The following KPNA7 variants were observed in gnomAD, a reference collection of about 807,000 sequenced individuals.
KPNA7 encodes the protein karyopherin subunit alpha 7, also known as importin subunit alpha-8.
In KPNA7, 54 loss-of-function variants were observed where a neutral mutation model predicts 53.7. The ratio of observed to expected loss-of-function variants is 1.01; its 90% CI spans 0.81 to 1.26. The LOEUF (loss-of-function observed/expected upper bound fraction) is 1.26, where lower values mean the gene tolerates loss of function less well. Ranked by LOEUF, KPNA7 falls within the 50% of genes most tolerant of loss-of-function variation. The probability of loss-of-function intolerance (pLI) is 0.00; values close to 1 mark genes in which losing one functional copy is unlikely to be tolerated. For synonymous variants in KPNA7, 276 were observed against 259.3 expected, an observed-to-expected ratio of 1.06 and a Z score of -0.62; for missense variants, 640 against 644.5, an observed-to-expected ratio of 0.99 and a Z score of 0.07.
At chr7:99,156,563 C>G in the KPNA7 span, among the ~76,000 whole-genome samples, 1 of 151,874 alleles carries the variant, frequency 6.6e-6, no homozygotes, top group Admixed American at 6.6e-5. Context: ...TTGCCCTTGT[C>G]ACCCAGGCTG....
intron 2 of KPNA7, among the ~76,000 whole-genome samples, chr7:99,206,437 G>A (rs868799433): frequency 2.6e-5 from 4 of 151,940 alleles, no homozygotes; most frequent in Non-Finnish European, 4.4e-5. Flanking sequence ...AATTACAGGT[G>A]TGAGCCATCA....
At chr7:99,196,042 C>G (rs767042211) in intron 4 of KPNA7, 42 bp downstream of exon 4, 1 of 1,501,520 alleles carries the variant, frequency 6.7e-7, no homozygotes, top group South Asian at 1.2e-5. Context: ...ACGCTCATTG[C>G]TAACTATGAA....
the KPNA7 span, among the ~76,000 whole-genome samples, chr7:99,163,606 T>C: frequency 6.6e-6 from 1 of 151,370 alleles, no homozygotes; most frequent in Admixed American, 6.6e-5. Flanking sequence ...AGGCTGGTCT[T>C]GAACTCATGG....
At position 99,181,073 on chromosome 7, in the gene KPNA7, A is replaced by ATCTGTGTCTCTCTCTCTCTCCG. The variant is rs1799229223; in HGVS notation, c.1317+809_1317+810insCGGAGAGAGAGAGAGACACAGA. Among the ~76,000 whole-genome samples, 2 of 2,132 alleles carry ATCTGTGTCTCTCTCTCTCTCCG rather than the reference A, an allele frequency of 9.4e-4. 1 individual carries two copies. Among genetic ancestry groups the ATCTGTGTCTCTCTCTCTCTCCG allele is most frequent in the African/African-American group, 3.0e-3 (2 of 664 alleles). 1.4% of individuals were successfully genotyped at this position (2,132 alleles called of 152,430 possible). ...TCTCTCCGTCTGTGTCTCTCTCTCC[A>ATCTGTGTCTCTCTCTCTCTCCG]TCTGTGTCTCTCTCTCTCTCTCCGT... On this transcript the variant is annotated intron_variant, in intron 9 of 10. Transcript: ENST00000327442.
At chr7:99,158,462 T>C in the KPNA7 span, among the ~76,000 whole-genome samples, 1 of 152,268 alleles carries the variant, frequency 6.6e-6, no homozygotes, top group African/African-American at 2.4e-5. Context: ...GGAAATATCC[T>C]CAATTTCATC....
rs1372178436 is a variant in KPNA7, at chr7:99,185,099, T to C, written c.964A>G (p.Ile322Val). The C allele has an allele frequency of 6.4e-7, 1 of 1,552,002 alleles. No individual in the cohort carries two copies. ...TGTDEQTQMA[I>V]DAGMLNVLPQ... ...AGCACGTTCAGCATACCCGCATCAA[T>C]GGCCATCTGCGTCTGCTCATCTGTG... is the stretch of plus-strand genomic sequence containing the variant. The change falls in exon 8 of 11, where the codon ATT (isoleucine) becomes GTT (valine). Residue 322 changes from isoleucine to valine, a missense_variant. Coordinates refer to ENST00000327442, the MANE Select transcript of KPNA7 (RefSeq NM_001145715.3).
chr7:99,191,159 A>G (rs1331857522), intron 6 of KPNA7, among the ~76,000 whole-genome samples: 1 of 47,998 alleles, frequency 2.1e-5, no homozygotes, highest in East Asian at 8.2e-4. Context: ...TCTGCTATAC[A>G]ATTTTTTTTT....
chr7:99,193,824 T>A (rs1427201591), intron 5 of KPNA7, among the ~76,000 whole-genome samples: 1 of 151,996 alleles, frequency 6.6e-6, no homozygotes, highest in Non-Finnish European at 1.5e-5. Flanking sequence ...ACTATAGGCA[T>A]ACACCACTAT....
At chr7:99,180,665 CTGTGTG>C (rs56410160) in intron 9 of KPNA7, among the ~76,000 whole-genome samples, 1 of 80,974 alleles carries the variant, frequency 1.2e-5, no homozygotes, top group South Asian at 4.0e-4. Flanking sequence ...CTCTCCCCAT[CTGTGTG>C]TGTGTCTCTC....
At chr7:99,188,848 AT>A (rs1273282877) in intron 6 of KPNA7, among the ~76,000 whole-genome samples, 5 of 151,896 alleles carry the variant, frequency 3.3e-5, no homozygotes, top group Non-Finnish European at 7.4e-5. Context: ...CGCCCAGCTA[AT>A]TTTTGTATTT....
At chr7:99,180,493 ATC>A (rs1799119207) in intron 9 of KPNA7, among the ~76,000 whole-genome samples, 1 of 130,898 alleles carries the variant, frequency 7.6e-6, no homozygotes, top group Non-Finnish European at 1.8e-5. Flanking sequence ...CAGAGATCCT[ATC>A]TCTGTCTGTC....
Position 99,213,430 on chromosome 7 carries a change from TAAAAAAAAAA to T in KPNA7, c.-23-5951_-23-5942del, listed in dbSNP as rs61231738. Among the ~76,000 whole-genome samples, 273 of 72,908 alleles carry T rather than the reference TAAAAAAAAAA, an allele frequency of 3.7e-3. 3 individuals are homozygous for T. The highest frequency in any genetic ancestry group is 0.018 in the Middle Eastern group (2 of 114). The allele number at this position is 72,908 out of a possible 152,430, so 47.8% of individuals were successfully genotyped here. A position where few individuals can be genotyped will look rare whatever the true frequency, so the allele number is the denominator to read the frequency against. On this transcript the variant is annotated intron_variant, in intron 1 of 10. Transcript: ENST00000681060. ...GTGTGAGCCACTGCACCTGGCCTTT[TAAAAAAAAAA>T]AAAAAAAAAAAAAAAAAGAGAGAGA... is the stretch of plus-strand genomic sequence containing the variant.
intron 6 of KPNA7, among the ~76,000 whole-genome samples, chr7:99,189,673 G>A (rs151164961): frequency 4.1e-4 from 63 of 152,198 alleles, no homozygotes; most frequent in Middle Eastern, 3.4e-3. Context: ...CCAGGCTGCA[G>A]TGCAGTGCCG....
the KPNA7 span, among the ~76,000 whole-genome samples, chr7:99,159,000 G>A: frequency 2.0e-5 from 3 of 151,884 alleles, no homozygotes; most frequent in Non-Finnish European, 2.9e-5. Context: ...GAGTAGTTGG[G>A]ACTACAGGTG....
At chr7:99,189,447 G>T (rs1345247807) in intron 6 of KPNA7, among the ~76,000 whole-genome samples, 1 of 151,752 alleles carries the variant, frequency 6.6e-6, no homozygotes, top group Non-Finnish European at 1.5e-5. Context: ...TAAAGATTCC[G>T]CCCAGAATCA....
chr7:99,177,001 A>G (rs911108781), intron 10 of KPNA7, among the ~76,000 whole-genome samples: 1 of 152,196 alleles, frequency 6.6e-6, no homozygotes, highest in Admixed American at 6.5e-5. Flanking sequence ...CAGGTAAATG[A>G]ATATATATAA....
the KPNA7 span, among the ~76,000 whole-genome samples, chr7:99,146,256 G>C: frequency 6.6e-6 from 1 of 152,156 alleles, no homozygotes; most frequent in Non-Finnish European, 1.5e-5. Flanking sequence ...CCGACGGCTG[G>C]TTCTTCGTTG....
intron 7 of KPNA7, 101 bp from the exon 8 acceptor site, chr7:99,185,263 A>G: frequency 1.3e-6 from 1 of 794,052 alleles, no homozygotes; most frequent in African/African-American, 1.7e-5. Flanking sequence ...GTCATGCTAT[A>G]GCCGATGGTT....
chr7:99,173,549 T>G (rs1205601359), downstream of KPNA7: 1 of 565,824 alleles, frequency 1.8e-6, no homozygotes, highest in Non-Finnish European at 3.1e-6. Flanking sequence ...AAGTCGTTTA[T>G]CTGAAGTTCA....
Sources: allele counts gnomAD v4.1 joint callset (sites outside exome capture counted in the v4.1 genomes callset), GRCh38; gene constraint gnomAD v4.1.1; transcripts MANE v1.5; gene names NCBI Gene and HGNC (gene_info 2026-07-23, HGNC 2026-07-21).